Variants in GGTA1 observed in about 807,000 individuals in gnomAD.
The protein encoded by GGTA1 is glycoprotein alpha-galactosyltransferase 1 (inactive), also known as inactive N-acetyllactosaminide alpha-1,3-galactosyltransferase.
A neutral mutation model predicts 2.6 loss-of-function variants in GGTA1; 5 were observed. That is an observed-to-expected ratio of 1.92 (90% confidence interval 1.00 to 4.04). The LOEUF (loss-of-function observed/expected upper bound fraction) is 4.04. Ranked by LOEUF, GGTA1 falls within the 30% of genes most tolerant of loss-of-function variation. The pLI is 0.00. For synonymous variants in GGTA1, 17 were observed against 5.0 expected, an observed-to-expected ratio of 3.38 and a Z score of -3.19; for missense variants, 50 against 16.7, an observed-to-expected ratio of 2.99 and a Z score of -3.47.
At chr9:121,460,067 G>A (rs1411728947) in intron 5 of GGTA1, 37 bp downstream of exon 5, 1 of 456,018 alleles carries the variant, frequency 2.2e-6, no homozygotes, top group Non-Finnish European at 4.4e-6. Flanking sequence ...GCAGGGCCAT[G>A]GATTTGCTGC....
chr9:121,454,076 T>C (rs1490817738), downstream of GGTA1, among the ~76,000 whole-genome samples: 3 of 152,184 alleles, frequency 2.0e-5, no homozygotes, highest in Non-Finnish European at 4.4e-5. Flanking sequence ...TTTGTCCAGA[T>C]GGCAGACAGG....
In GGTA1 at chr9:121,460,121, C is replaced by A. The variant is rs780995823; in HGVS notation, c.281G>T (p.Gly94Val). 1 of 456,770 alleles carries A rather than the reference C, an allele frequency of 2.2e-6. No individual in the cohort carries two copies. Among genetic ancestry groups the A allele is most frequent in the South Asian group, 1.5e-5 (1 of 64,570 alleles). The allele number at this position is 456,770 out of a possible 1,614,324, so 28.3% of individuals were successfully genotyped here. Residue 94 changes from glycine to valine, a missense_variant, in exon 5 of 6, where the codon GGG (glycine) becomes GTG (valine). Coordinates refer to ENST00000481799, the MANE Select transcript of GGTA1 (RefSeq NM_001382585.1). The part of the protein sequence containing the change: ...RKMTQQSFGY[G>V]TGLIQT Reference sequence around the variant, plus strand: ...TTTCTTACTTTGGATTAAACCAGTCCCATAGCCGAAGCTCTGTTGTGTCAT... The same window carrying A: ...TTTCTTACTTTGGATTAAACCAGTCACATAGCCGAAGCTCTGTTGTGTCAT...
intron 1 of GGTA1, among the ~76,000 whole-genome samples, chr9:121,482,691 C>A (rs1419762700): frequency 1.3e-5 from 2 of 152,116 alleles, no homozygotes; most frequent in Non-Finnish European, 2.9e-5. Flanking sequence ...ATTGCTTGAA[C>A]CTGGGAGGTG....
chr9:121,488,485 T>C (rs10120689), intron 1 of GGTA1, among the ~76,000 whole-genome samples: 42,529 of 151,904 alleles, frequency 0.28, 6,366 homozygotes, highest in Middle Eastern at 0.37. Context: ...GAGGCCAAGG[T>C]AGGTGGATCA....
chr9:121,473,938 A>AGGG, intron 1 of GGTA1, among the ~76,000 whole-genome samples: 1 of 127,594 alleles, frequency 7.8e-6, no homozygotes, highest in African/African-American at 3.0e-5. Flanking sequence ...AGAAAGAGAG[A>AGGG]AGGAGAGAGA....
chr9:121,493,948 G>A (rs1301304607), intron 1 of GGTA1, among the ~76,000 whole-genome samples: 1 of 151,718 alleles, frequency 6.6e-6, no homozygotes, highest in East Asian at 1.9e-4. Context: ...GTAGAGACGG[G>A]GTTTTGCCAT....
chr9:121,493,144 A>G (rs1351835096), intron 1 of GGTA1, among the ~76,000 whole-genome samples: 1 of 151,912 alleles, frequency 6.6e-6, no homozygotes, highest in Non-Finnish European at 1.5e-5. Flanking sequence ...CAAAGAAAAA[A>G]AAAAAAGGAA....
At chr9:121,458,870 A>C (rs1297835120) in intron 5 of GGTA1, among the ~76,000 whole-genome samples, 1 of 152,128 alleles carries the variant, frequency 6.6e-6, no homozygotes, top group Non-Finnish European at 1.5e-5. Flanking sequence ...CATTCTCCTT[A>C]GAAGGGACTT....
At chr9:121,495,675 A>T (rs991473028) in intron 1 of GGTA1, among the ~76,000 whole-genome samples, 1 of 152,160 alleles carries the variant, frequency 6.6e-6, no homozygotes, top group African/African-American at 2.4e-5. Context: ...TCTCCTAATT[A>T]CCCAATGCAA....
In GGTA1 at chr9:121,493,406, G is replaced by A. The variant is rs541176924; in HGVS notation, c.-10+6244C>T. 2.6e-5 allele frequency among the ~76,000 whole-genome samples: 4 copies of A among 152,098 alleles called. No individual in the cohort carries two copies. The East Asian group carries it at 5.8e-4, about 22-fold the overall frequency. On this transcript the variant is annotated intron_variant, in intron 1 of 5. Coordinates refer to ENST00000481799, the MANE Select transcript of GGTA1 (RefSeq NM_001382585.1). The stretch of plus-strand genomic sequence containing the variant: ...TCAGTTCTGCTACTTAATTTTTGAG[G>A]TTTTTCGCCCAAGACATTAAAACTC...
At chr9:121,497,510 C>T (rs1442293605) in intron 1 of GGTA1, among the ~76,000 whole-genome samples, 1 of 152,124 alleles carries the variant, frequency 6.6e-6, no homozygotes, top group African/African-American at 2.4e-5. Context: ...TTCTTGGTCT[C>T]TCTCAGCCTT....
intron 1 of GGTA1, among the ~76,000 whole-genome samples, chr9:121,495,636 T>G (rs928905201): frequency 1.3e-5 from 2 of 152,320 alleles, no homozygotes; most frequent in East Asian, 1.9e-4. Flanking sequence ...CTCCACTCCA[T>G]CAAAACTGCT....
At chr9:121,454,444 G>A (rs2064895078), downstream of GGTA1, among the ~76,000 whole-genome samples, 1 of 152,234 alleles carries the variant, frequency 6.6e-6, no homozygotes, top group Non-Finnish European at 1.5e-5. Flanking sequence ...ACCACGCACT[G>A]TGCAAAGGGC....
intron 1 of GGTA1, among the ~76,000 whole-genome samples, chr9:121,471,748 A>G (rs1828394721): frequency 6.6e-6 from 1 of 152,188 alleles, no homozygotes; most frequent in Non-Finnish European, 1.5e-5. Flanking sequence ...TCTAAGTACC[A>G]TATGAGCCAG....
chr9:121,485,164 AAT>A (rs1828733269), intron 1 of GGTA1, among the ~76,000 whole-genome samples: 1 of 152,216 alleles, frequency 6.6e-6, no homozygotes. Context: ...ATCTTAAAAG[AAT>A]ACGAGTTCGA....
chr9:121,462,821 C>T (rs2064971595), intron 3 of GGTA1: 1 of 153,212 alleles, frequency 6.5e-6, no homozygotes. Flanking sequence ...TTCTGACAAC[C>T]AACCCAACCA....
chr9:121,489,065 T>G (rs915218378), intron 1 of GGTA1, among the ~76,000 whole-genome samples: 1 of 152,230 alleles, frequency 6.6e-6, no homozygotes, highest in Non-Finnish European at 1.5e-5. Context: ...TGTTAAATTT[T>G]CAAGAATTTG....
intron 2 of GGTA1, among the ~76,000 whole-genome samples, chr9:121,467,236 G>A (rs550712456): frequency 6.6e-6 from 1 of 152,234 alleles, no homozygotes; most frequent in East Asian, 1.9e-4. Flanking sequence ...AAGGCACAGA[G>A]GTAGCTCATA....
At chr9:121,472,796 T>C (rs1431986241) in intron 1 of GGTA1, among the ~76,000 whole-genome samples, 1 of 152,168 alleles carries the variant, frequency 6.6e-6, no homozygotes, top group Non-Finnish European at 1.5e-5. Context: ...GTAAGGAACG[T>C]TAGGCAGAGA....
Sources: gnomAD v4.1 joint callset for allele counts (sites outside exome capture counted in the v4.1 genomes callset) on GRCh38, gnomAD v4.1.1 for gene constraint, MANE v1.5 for transcripts, NCBI Gene and HGNC (gene_info 2026-07-23, HGNC 2026-07-21) for gene names.